The following IMPG1 variants were observed in gnomAD, a reference collection of about 807,000 sequenced individuals.
IMPG1 encodes interphotoreceptor matrix proteoglycan of 150 kDa.
IMPG1 carries 85 observed loss-of-function variants against 92.0 expected under a neutral mutation model. The observed-to-expected ratio is 0.92, with a 90% CI of 0.78 to 1.11. The LOEUF is 1.11. IMPG1 is among the 50% of genes least tolerant of loss of function. The pLI is 0.00. For synonymous variants in IMPG1, 367 were observed against 334.1 expected, an observed-to-expected ratio of 1.10 and a Z score of -1.08; for missense variants, 1,022 against 956.0, an observed-to-expected ratio of 1.07 and a Z score of -0.91.
chr6:76,005,476 T>C lies in IMPG1; in HGVS notation c.946A>G (p.Lys316Glu), dbSNP rs757251982. The C allele has an allele frequency of 6.2e-7, 1 of 1,613,952 alleles. No homozygotes were observed. The highest frequency in any genetic ancestry group is 1.1e-5 in the South Asian group (1 of 91,078). ...GACAGGAGGTCACTTGCAGGGCTTTTTGCTTCTGCACTGTGTCTCTTAAAG... is the reference window on the plus strand; with the variant it reads ...GACAGGAGGTCACTTGCAGGGCTTTCTGCTTCTGCACTGTGTCTCTTAAAG... Reference protein sequence around the residue: ...AIFKRHSAEAKSPASDLLSFD... With the variant: ...AIFKRHSAEAESPASDLLSFD... The change falls in exon 10 of 17, where the codon AAA (lysine) becomes GAA (glutamate). Residue 316 changes from lysine to glutamate, a missense_variant. By Grantham distance (56) the Lys-to-Glu change is moderately conservative (BLOSUM62 1). This residue lies in a region of IMPG1 where 681 missense variants were observed against 583.6 expected (regional missense o/e 1.17). Transcript: ENST00000369950.
intron 12 of IMPG1, among the ~76,000 whole-genome samples, chr6:75,975,315 C>A (rs1782516156): frequency 6.6e-6 from 1 of 152,134 alleles, no homozygotes; most frequent in Admixed American, 6.5e-5. Context: ...ATACCTGGAA[C>A]AAAGTCAGTT....
At chr6:76,039,329 A>G (rs1215640472) in intron 2 of IMPG1, among the ~76,000 whole-genome samples, 1 of 150,946 alleles carries the variant, frequency 6.6e-6, no homozygotes, top group Admixed American at 6.6e-5. Context: ...TCTAAGGCAC[A>G]CTTAAATGTG....
rs142055074 is a variant in IMPG1 at position 75,983,264 on chromosome 6, A to G, written c.1291+19654T>C. ...AACTTTAGAATTAATACAGAGGGAG[A>G]GAGCCTTCTCTTTTAATTAAGTGCA... On this transcript the variant is annotated intron_variant, in intron 12 of 16. Transcript: ENST00000369950. Among the ~76,000 whole-genome samples the G allele has an allele frequency of 2.8e-3, 433 of 152,166 alleles. 4 individuals are homozygous for G. The highest frequency in any genetic ancestry group is 0.01 in the African/African-American group (420 of 41,538).
chr6:75,974,327 T>C (rs554414018), intron 12 of IMPG1, among the ~76,000 whole-genome samples: 4 of 146,168 alleles, frequency 2.7e-5, no homozygotes, highest in Non-Finnish European at 6.0e-5. Flanking sequence ...CCCTCTTTCT[T>C]TCCCTTTCTT....
In IMPG1 at chr6:76,067,685, C is replaced by T. The variant is rs116156700; in HGVS notation, c.67+4737G>A. On this transcript the variant is annotated intron_variant, in intron 1 of 16. Coordinates refer to ENST00000369950, the MANE Select transcript of IMPG1 (RefSeq NM_001563.4). ...AGGAGGGAATCCTTCTTAGCTCATT[C>T]TATGAAGCCAGTGTCACCCTGATAC... Among the ~76,000 whole-genome samples the T allele has an allele frequency of 4.0e-3, 603 of 152,152 alleles. 6 individuals are homozygous for T. Among genetic ancestry groups the T allele is most frequent in the African/African-American group, 0.014 (564 of 41,526 alleles).
chr6:75,995,384 C>G (rs1782879201), intron 12 of IMPG1, among the ~76,000 whole-genome samples: 3 of 152,206 alleles, frequency 2.0e-5, no homozygotes, highest in African/African-American at 7.2e-5. Flanking sequence ...CTCTATGCTT[C>G]TAGAGCTTCA....
chr6:76,069,860 C>T (rs558548204), intron 1 of IMPG1, among the ~76,000 whole-genome samples: 5 of 152,242 alleles, frequency 3.3e-5, no homozygotes, highest in African/African-American at 7.2e-5. Context: ...GACCGCTATC[C>T]TAAGTAAATT....
At chr6:76,021,895 C>A (rs1348530979) in intron 6 of IMPG1, among the ~76,000 whole-genome samples, 1 of 149,564 alleles carries the variant, frequency 6.7e-6, no homozygotes. Context: ...TTTCTTGTAA[C>A]TCCTCCCCTT....
intron 1 of IMPG1, among the ~76,000 whole-genome samples, chr6:76,052,139 C>T (rs187316329): frequency 9.2e-5 from 14 of 152,236 alleles, no homozygotes; most frequent in East Asian, 1.9e-4. Context: ...TTGCCTCTTT[C>T]GTGCCCAGAG....
chr6:76,012,279 G>T (rs1179992352), intron 7 of IMPG1, among the ~76,000 whole-genome samples: 1 of 152,136 alleles, frequency 6.6e-6, no homozygotes, highest in Non-Finnish European at 1.5e-5. Context: ...TGTCTCTCCA[G>T]CTCTCTCTAA....
chr6:76,034,258 A>G (rs1783697169), intron 4 of IMPG1, 57 bp downstream of exon 4: 8 of 1,524,982 alleles, frequency 5.2e-6, no homozygotes, highest in Non-Finnish European at 7.3e-6. Flanking sequence ...TCACTCCATT[A>G]TATGATCTTT....
chr6:75,924,597 ATATAATTAAT>A lies in IMPG1; in HGVS notation c.2244-901_2244-892del. On this transcript the variant is annotated intron_variant, in intron 15 of 16. Coordinates refer to ENST00000369950, the MANE Select transcript of IMPG1 (RefSeq NM_001563.4). ...TATAATTAATATAATTATATATTAT[ATATAATTAAT>A]TATATATAATATATAATAAATTATA... 7.0e-5 allele frequency among the ~76,000 whole-genome samples: 3 copies of A among 42,564 alleles called. 1 individual carries two copies. The highest frequency in any genetic ancestry group is 1.3e-4 in the Non-Finnish European group (3 of 23,818). The allele number at this position is 42,564 out of a possible 152,430, so 27.9% of individuals were successfully genotyped here. A position where few individuals can be genotyped will look rare whatever the true frequency, so the allele number is the denominator to read the frequency against.
At chr6:75,980,804 T>C (rs1782614779) in intron 12 of IMPG1, among the ~76,000 whole-genome samples, 1 of 152,194 alleles carries the variant, frequency 6.6e-6, no homozygotes, top group South Asian at 2.1e-4. Flanking sequence ...CAATTTGCGA[T>C]CATGTGAGCC....
chr6:76,025,015 T>G, intron 5 of IMPG1, 179 bp downstream of exon 5: 1 of 634,324 alleles, frequency 1.6e-6, no homozygotes, highest in Non-Finnish European at 2.9e-6. Flanking sequence ...TATTCTTTTC[T>G]GTATTTTCCA....
intron 7 of IMPG1, among the ~76,000 whole-genome samples, chr6:76,013,560 G>A (rs952215515): frequency 6.6e-6 from 1 of 151,874 alleles, no homozygotes; most frequent in Non-Finnish European, 1.5e-5. Context: ...TACTACTCTA[G>A]AGTTTATTGC....
At chr6:76,013,386 TC>T (rs1260986198) in intron 7 of IMPG1, among the ~76,000 whole-genome samples, 1 of 152,166 alleles carries the variant, frequency 6.6e-6, no homozygotes, top group Admixed American at 6.5e-5. Context: ...CACTTCTATG[TC>T]TTCAAGTTCC....
At chr6:76,001,767 G>C (rs1425969559) in intron 12 of IMPG1, among the ~76,000 whole-genome samples, 3 of 152,190 alleles carry the variant, frequency 2.0e-5, no homozygotes. Context: ...CAAAATTACA[G>C]ATTTATTGGC....
At chr6:76,057,038 T>C (rs1256622377) in intron 1 of IMPG1, among the ~76,000 whole-genome samples, 5 of 152,080 alleles carry the variant, frequency 3.3e-5, no homozygotes, top group Non-Finnish European at 7.4e-5. Flanking sequence ...AGCAAACTAA[T>C]TCAGCAACAG....
intron 12 of IMPG1, among the ~76,000 whole-genome samples, chr6:75,990,620 CAT>C (rs1554231682): frequency 2.7e-5 from 4 of 150,138 alleles, no homozygotes; most frequent in African/African-American, 4.9e-5. Context: ...CACACACACA[CAT>C]ACACAATCTC....
Sources: allele counts gnomAD v4.1 joint callset (sites outside exome capture counted in the v4.1 genomes callset), GRCh38; gene constraint gnomAD v4.1.1; regional missense constraint gnomAD v4.1.1; transcripts MANE v1.5; gene names NCBI Gene and HGNC (gene_info 2026-07-23, HGNC 2026-07-21).